PNLIP: variants seen among roughly 807,000 people sequenced by gnomAD.
PNLIP encodes the protein pancreatic lipase, also known as pancreatic triacylglycerol lipase.
Under a neutral mutation model 57.1 loss-of-function variants are expected in PNLIP, and 49 were observed. That is an observed-to-expected ratio of 0.86 (90% CI 0.68 to 1.09). PNLIP has a LOEUF of 1.09. PNLIP is among the 50% of genes least tolerant of loss of function. PNLIP has a pLI of 0.00. For missense variants in PNLIP, 503 were observed against 570.2 expected (o/e 0.88, Z 1.20); for synonymous variants, 209 against 200.4 (o/e 1.04, Z -0.36).
Position 116,545,958 on chromosome 10 carries a change from G to A in PNLIP, c.-1G>A, listed in dbSNP as rs1847117381. The A allele has an allele frequency of 4.3e-6, 3 of 703,466 alleles. No homozygotes were observed. The highest frequency in any genetic ancestry group is 5.4e-5 in the East Asian group (2 of 37,312). 43.6% of individuals were successfully genotyped at this position (703,466 alleles called of 1,614,324 possible). A position where few individuals can be genotyped will look rare whatever the true frequency, so the allele number is the denominator to read the frequency against. On this transcript the variant is annotated splice_region_variant and 5_prime_UTR_variant, in exon 1 of 13. Transcript: ENST00000369221. The stretch of plus-strand genomic sequence containing the variant: ...GTGTGGAACCTGACGGAACTGCCAC[G>A]GTGAGTCGGGAACATGTTTTCCAGG...
At position 116,555,282 on chromosome 10, in the gene PNLIP, A is replaced by G. The variant is rs1396274301; in HGVS notation, c.676A>G (p.Ile226Val). The G allele has an allele frequency of 6.2e-7, 1 of 1,614,038 alleles. No homozygotes were observed. The highest frequency in any genetic ancestry group is 1.3e-5 in the African/African-American group (1 of 74,904). ...TGTAATTCACACGGATGGTGCCCCC[A>G]TAGTCCCCAATTTGGGTGAGTTCCT... is the stretch of plus-strand genomic sequence containing the variant. Reference protein sequence around the residue: ...VDVIHTDGAPIVPNLGFGMSQ... With the variant: ...VDVIHTDGAPVVPNLGFGMSQ... Residue 226 changes from isoleucine (I) to valine (V), a missense_variant, in exon 7 of 13, where the codon ATA becomes GTA. Transcript: ENST00000369221.
At chr10:116,557,253 A>C (rs951155554) in intron 9 of PNLIP, among the ~76,000 whole-genome samples, 2 of 152,218 alleles carry the variant, frequency 1.3e-5, no homozygotes, top group Non-Finnish European at 2.9e-5. Context: ...GGTTTCATTC[A>C]GTTAAAACTT....
intron 5 of PNLIP, among the ~76,000 whole-genome samples, chr10:116,553,250 C>T (rs1192941621): frequency 2.0e-5 from 3 of 152,172 alleles, no homozygotes; most frequent in Non-Finnish European, 4.4e-5. Flanking sequence ...GGATTATAGG[C>T]ACCCACCACC....
chr10:116,557,834 C>G (rs543805571), intron 9 of PNLIP, among the ~76,000 whole-genome samples: 5 of 152,230 alleles, frequency 3.3e-5, no homozygotes, highest in South Asian at 2.1e-4. Flanking sequence ...TTTTCCTATA[C>G]GAATATGTCT....
intron 6 of PNLIP, 23 bp downstream of exon 6, chr10:116,553,861 A>G (rs961937887): frequency 1.4e-6 from 2 of 1,456,880 alleles, no homozygotes; most frequent in African/African-American, 2.8e-5. Context: ...AGTGAAAGAT[A>G]CCAGGGGGGT....
In PNLIP at chr10:116,561,514, C is replaced by G. The variant is rs149567242; in HGVS notation, c.1212C>G (p.Asp404Glu). ...ATAGTACTCATTCCAATGAATTTGA[C>G]TCAGATGTGGATGTTGGGGACTTGC... ...KPDSTHSNEF[D>E]SDVDVGDLQM... is the part of the protein sequence containing the mutation. Residue 404 changes from aspartate (D) to glutamate (E), a missense_variant, in exon 12 of 13, where the codon GAC (aspartate) becomes GAG (glutamate). Coordinates refer to ENST00000369221, the MANE Select transcript of PNLIP (RefSeq NM_000936.4). 2 of 1,613,886 alleles carry G rather than the reference C, an allele frequency of 1.2e-6. No homozygotes were observed. The highest frequency in any genetic ancestry group is 2.7e-5 in the African/African-American group (2 of 75,016).
chr10:116,548,571 T>G, intron 4 of PNLIP, 89 bp downstream of exon 4: 1 of 1,395,002 alleles, frequency 7.2e-7, no homozygotes, highest in Non-Finnish European at 9.8e-7. Context: ...ATGAGGACAG[T>G]GCTTGGAGGT....
At position 116,548,473 on chromosome 10, in the gene PNLIP, T is replaced by C. The variant is rs768727515; in HGVS notation, c.315T>C (p.Asn105=). The C allele has an allele frequency of 3.1e-6, 5 of 1,613,884 alleles. No homozygotes were observed. In the South Asian group the frequency reaches 5.5e-5, roughly 18 times the overall value. The change falls in exon 4 of 13, where the codon AAT becomes AAC. Residue 105 remains asparagine (N), a synonymous_variant. Coordinates refer to ENST00000369221, the MANE Select transcript of PNLIP (RefSeq NM_000936.4). ...IDKGEENWLA[N]VCKNLFKVES... ...AGGGAGAAGAAAACTGGCTGGCCAA[T>C]GTGTGCAAGGTGAGATGTGGTCATC...
At chr10:116,548,545 G>T in intron 4 of PNLIP, 63 bp downstream of exon 4, 2 of 1,562,702 alleles carry the variant, frequency 1.3e-6, no homozygotes, top group Non-Finnish European at 1.7e-6. Context: ...AAACGGTAAG[G>T]CACTGGCCCC....
At position 116,561,561 on chromosome 10, in the gene PNLIP, A is replaced by G. The variant is rs1847316044; in HGVS notation, c.1259A>G (p.Tyr420Cys). 1.2e-6 allele frequency: 2 copies of G among 1,613,774 alleles called. No individual in the cohort carries two copies. The highest frequency in any genetic ancestry group is 1.1e-5 in the South Asian group (1 of 91,012). Residue 420 changes from tyrosine to cysteine, a missense_variant, in exon 12 of 13, where the codon TAT becomes TGT. Physicochemically the swap from Tyr to Cys is radical, Grantham distance 194. Coordinates refer to ENST00000369221, the MANE Select transcript of PNLIP (RefSeq NM_000936.4). ...GDLQMVKFIW[Y>C]NNVINPTLPR... ...TTGCAGATGGTTAAATTTATTTGGT[A>G]TAACAATGTGATCAACCCAACTTTA...
chr10:116,548,234 G>A, intron 3 of PNLIP, 126 bp from the exon 4 acceptor site: 1 of 821,958 alleles, frequency 1.2e-6, no homozygotes, highest in East Asian at 2.6e-5. Flanking sequence ...TGGTTGCTAT[G>A]GAGGAATCAT....
chr10:116,551,324 T>C (rs983115632), intron 5 of PNLIP, 92 bp downstream of exon 5: 8 of 938,646 alleles, frequency 8.5e-6, no homozygotes, highest in Non-Finnish European at 1.2e-5. Flanking sequence ...GATTTAATCA[T>C]AGATAAAGAC....
At chr10:116,553,942 C>G in intron 6 of PNLIP, 104 bp downstream of exon 6, 1 of 490,388 alleles carries the variant, frequency 2.0e-6, no homozygotes, top group Admixed American at 4.2e-5. Flanking sequence ...CTCCTATCTC[C>G]TTAAAAAAAA....
At chr10:116,550,110 G>C (rs1847174979) in intron 4 of PNLIP, among the ~76,000 whole-genome samples, 1 of 135,342 alleles carries the variant, frequency 7.4e-6, no homozygotes, top group South Asian at 2.4e-4. Flanking sequence ...CCCGGCTAGA[G>C]TGCAGTGGCG....
At chr10:116,553,908 G>T in intron 6 of PNLIP, 70 bp downstream of exon 6, 1 of 818,672 alleles carries the variant, frequency 1.2e-6, no homozygotes, top group South Asian at 1.6e-5. Flanking sequence ...GCAGTTTGAG[G>T]CCAATCTGGG....
At chr10:116,567,706 G>A (rs764553146) in intron 12 of PNLIP, 29 bp from the exon 13 acceptor site, 2 of 1,592,654 alleles carry the variant, frequency 1.3e-6, no homozygotes, top group Non-Finnish European at 1.7e-6. Flanking sequence ...AGGAAGAGGA[G>A]GTGACTTTGT....
chr10:116,556,834 A>C (rs574292341), intron 9 of PNLIP, among the ~76,000 whole-genome samples: 76 of 152,328 alleles, frequency 5.0e-4, no homozygotes, highest in African/African-American at 1.7e-3. Context: ...CAAATGTGCC[A>C]GCTGAAGTCA....
intron 12 of PNLIP, among the ~76,000 whole-genome samples, chr10:116,566,575 C>T (rs1336960867): frequency 4.6e-5 from 7 of 152,016 alleles, no homozygotes; most frequent in Admixed American, 4.6e-4. Context: ...TAAATTAAAG[C>T]TCAATAAAGC....
intron 4 of PNLIP, among the ~76,000 whole-genome samples, chr10:116,550,122 G>C (rs1010267463): frequency 7.1e-6 from 1 of 141,146 alleles, no homozygotes. Flanking sequence ...GCAGTGGCGC[G>C]ATCTTGGCTC....
Sources: gnomAD v4.1 joint callset for allele counts (sites outside exome capture counted in the v4.1 genomes callset) on GRCh38, gnomAD v4.1.1 for gene constraint, MANE v1.5 for transcripts, NCBI Gene and HGNC (gene_info 2026-07-23, HGNC 2026-07-21) for gene names.